The following SNX29 variants were observed in gnomAD, a reference collection of about 807,000 sequenced individuals.
SNX29 encodes sorting nexin 29, also known as sorting nexin-29.
SNX29 carries 78 observed loss-of-function variants against 102.1 expected under a neutral mutation model. The observed-to-expected ratio is 0.76, with a 90% CI of 0.64 to 0.92. SNX29 has a LOEUF of 0.92. SNX29 is among the 40% of genes least tolerant of loss of function. The pLI, the probability that SNX29 is intolerant of heterozygous loss-of-function variation, is 0.00. For missense variants in SNX29, 1,280 were observed against 1,061.7 expected, an observed-to-expected ratio of 1.21 and a Z score of -2.86; for synonymous variants, 580 against 414.5, an observed-to-expected ratio of 1.40 and a Z score of -4.85.
intron 15 of SNX29, among the ~76,000 whole-genome samples, chr16:12,325,426 G>A (rs184813089): frequency 1.3e-5 from 2 of 152,120 alleles, no homozygotes; most frequent in Non-Finnish European, 2.9e-5. Context: ...TTGTGATTCC[G>A]ACTGTTAGGG....
At chr16:12,540,543 C>G (rs558297672) in intron 20 of SNX29, among the ~76,000 whole-genome samples, 2 of 152,244 alleles carry the variant, frequency 1.3e-5, no homozygotes, top group Non-Finnish European at 2.9e-5. Context: ...GGCTTCCTGG[C>G]AGCCACCCTA....
chr16:12,264,289 G>T (rs945250229), intron 14 of SNX29, among the ~76,000 whole-genome samples: 1 of 152,188 alleles, frequency 6.6e-6, no homozygotes, highest in East Asian at 1.9e-4. Flanking sequence ...CATTGAGGCA[G>T]TTCTGTGAAA....
chr16:12,532,474 A>T (rs2076958633), intron 20 of SNX29, among the ~76,000 whole-genome samples: 1 of 152,150 alleles, frequency 6.6e-6, no homozygotes, highest in African/African-American at 2.4e-5. Flanking sequence ...ACAGTTTTAG[A>T]TGTCTATGAT....
At chr16:12,447,970 C>G (rs888621991) in intron 18 of SNX29, among the ~76,000 whole-genome samples, 3 of 152,162 alleles carry the variant, frequency 2.0e-5, no homozygotes, top group Admixed American at 6.5e-5. Context: ...TGAGATCATT[C>G]ACATCTAGCA....
At position 12,278,617 on chromosome 16, in the gene SNX29, A is replaced by G. The variant is rs148315482; in HGVS notation, c.1782+581A>G. Reference sequence around the variant, plus strand: ...ATACACAAAGAGCCCTTTGCTATTTATATTTCCTGAGAGGGTTTTTATACG... The same window carrying G: ...ATACACAAAGAGCCCTTTGCTATTTGTATTTCCTGAGAGGGTTTTTATACG... On this transcript the variant is annotated intron_variant, in intron 15 of 20. Coordinates refer to ENST00000566228, the MANE Select transcript of SNX29 (RefSeq NM_032167.5). Among the ~76,000 whole-genome samples, 4 of 152,326 alleles carry G rather than the reference A, an allele frequency of 2.6e-5. No homozygotes were observed. In the East Asian group the frequency reaches 5.8e-4, roughly 22 times the overall value.
chr16:12,268,134 C>T (rs1255560016), intron 14 of SNX29, among the ~76,000 whole-genome samples: 2 of 152,236 alleles, frequency 1.3e-5, no homozygotes, highest in African/African-American at 4.8e-5. Flanking sequence ...CCTTATTTAA[C>T]TAGCACTTGC....
chr16:12,221,372 C>T (rs8048841), intron 14 of SNX29, among the ~76,000 whole-genome samples: 6,824 of 152,158 alleles, frequency 0.045, 540 homozygotes, highest in African/African-American at 0.16. Flanking sequence ...CCCAGCACTT[C>T]GGGAGGCCGA....
chr16:12,138,526 C>T (rs535882863), intron 13 of SNX29, among the ~76,000 whole-genome samples: 1 of 152,162 alleles, frequency 6.6e-6, no homozygotes, highest in Admixed American at 6.5e-5. Context: ...TTTTATGAAG[C>T]CCACATTATT....
At chr16:12,554,825 G>A (rs182698906) in intron 20 of SNX29, among the ~76,000 whole-genome samples, 49 of 152,308 alleles carry the variant, frequency 3.2e-4, no homozygotes, top group African/African-American at 1.1e-3. Flanking sequence ...CACCTGCTCT[G>A]TGCCATTCTT....
intron 13 of SNX29, among the ~76,000 whole-genome samples, chr16:12,132,701 A>G (rs929404056): frequency 9.9e-5 from 15 of 152,232 alleles, no homozygotes; most frequent in South Asian, 6.2e-4. Flanking sequence ...GATAAAATCA[A>G]TGTCCTAACC....
chr16:12,255,858 C>G (rs542302697), intron 14 of SNX29, among the ~76,000 whole-genome samples: 1 of 152,112 alleles, frequency 6.6e-6, no homozygotes, highest in Non-Finnish European at 1.5e-5. Context: ...AATAACTCTT[C>G]GACATACTGG....
At chr16:12,512,729 A>C (rs1369156444) in intron 19 of SNX29, among the ~76,000 whole-genome samples, 2 of 152,100 alleles carry the variant, frequency 1.3e-5, no homozygotes, top group African/African-American at 2.4e-5. Context: ...TTCAGGGACA[A>C]CTAGGTGCTG....
At chr16:12,455,953 T>A (rs1454140606) in intron 18 of SNX29, among the ~76,000 whole-genome samples, 1 of 152,200 alleles carries the variant, frequency 6.6e-6, no homozygotes, top group Non-Finnish European at 1.5e-5. Context: ...CCTAGGGGTT[T>A]CCATCTTGGT....
chr16:12,279,719 C>G (rs978448040), intron 15 of SNX29, among the ~76,000 whole-genome samples: 1 of 152,206 alleles, frequency 6.6e-6, no homozygotes, highest in Admixed American at 6.5e-5. Flanking sequence ...CGTTCCACAG[C>G]CACTTATTGG....
chr16:12,070,546 A>G (rs183781493), intron 10 of SNX29, among the ~76,000 whole-genome samples: 1,698 of 151,758 alleles, frequency 0.011, 10 homozygotes, highest in Non-Finnish European at 0.016. Flanking sequence ...CATGGTGTAT[A>G]TGTGCCACAT....
chr16:12,550,824 C>A (rs1212129696), intron 20 of SNX29, among the ~76,000 whole-genome samples: 1 of 152,094 alleles, frequency 6.6e-6, no homozygotes, highest in Non-Finnish European at 1.5e-5. Flanking sequence ...GTTAATTTAC[C>A]TTTTTACAGA....
At chr16:11,995,455 C>T (rs2056029025) in intron 1 of SNX29, among the ~76,000 whole-genome samples, 1 of 152,060 alleles carries the variant, frequency 6.6e-6, no homozygotes, top group Non-Finnish European at 1.5e-5. Context: ...AGCTTCTTGC[C>T]TGCAGAGAGA....
At chr16:12,083,252 G>C (rs1424263218) in intron 11 of SNX29, among the ~76,000 whole-genome samples, 1 of 151,084 alleles carries the variant, frequency 6.6e-6, no homozygotes, top group Non-Finnish European at 1.5e-5. Flanking sequence ...GCTGCAGTGA[G>C]CTGAGATTGC....
At chr16:12,366,854 T>C (rs1765434046) in intron 16 of SNX29, 1 of 151,904 alleles carries the variant, frequency 6.6e-6, no homozygotes, top group African/African-American at 2.4e-5. Flanking sequence ...TCTCTCTCTC[T>C]TTCTTTTCCT....
Sources: gnomAD v4.1 joint callset for allele counts (sites outside exome capture counted in the v4.1 genomes callset) on GRCh38, gnomAD v4.1.1 for gene constraint, MANE v1.5 for transcripts, NCBI Gene and HGNC (gene_info 2026-07-23, HGNC 2026-07-21) for gene names.